MAPKAPK5: variants seen among roughly 807,000 people sequenced by gnomAD.
MAPKAPK5 encodes MAP kinase-activated protein kinase 5.
A neutral mutation model predicts 65.1 loss-of-function variants in MAPKAPK5; 30 were observed. The ratio of observed to expected loss-of-function variants is 0.46; its 90% CI spans 0.34 to 0.63. The LOEUF is 0.63. Among genes scored for constraint, MAPKAPK5 ranks in the 20% least tolerant of loss-of-function variants. The pLI, the probability that MAPKAPK5 is intolerant of heterozygous loss-of-function variation, is 0.01. For synonymous variants in MAPKAPK5, 179 were observed against 204.6 expected, an observed-to-expected ratio of 0.87 and a Z score of 1.07; for missense variants, 433 against 581.4, an observed-to-expected ratio of 0.74 and a Z score of 2.63.
At position 111,846,152 on chromosome 12, in the gene MAPKAPK5, T is replaced by C. The variant is rs565472157; in HGVS notation, c.36+3383T>C. Among the ~76,000 whole-genome samples the C allele has an allele frequency of 5.9e-5, 9 of 152,332 alleles. No homozygotes were observed. In the South Asian group the frequency reaches 1.9e-3, roughly 32 times the overall value. On this transcript the variant is annotated intron_variant, in intron 1 of 13. Coordinates refer to ENST00000550735, the MANE Select transcript of MAPKAPK5 (RefSeq NM_003668.4). ...TGGTGGACTTGAAAATCAGTACTGA[T>C]TAGGATGTACTGCTTTGGAAGCAAG...
rs2136185939 is a variant in MAPKAPK5, at chr12:111,900,610, ACT to A, written c.*7550_*7551del. ...GTGGTGGAGGACACGGAGCAGTGTG[ACT>A]GTGGTTCTCTATGTCAGCATCATGC... On this transcript the variant is annotated 3_prime_UTR_variant, in exon 14 of 14. Coordinates refer to ENST00000550735, the MANE Select transcript of MAPKAPK5 (RefSeq NM_003668.4). 1 of 456,118 alleles carries A rather than the reference ACT, an allele frequency of 2.2e-6. No homozygotes were observed. Among genetic ancestry groups the A allele is most frequent in the East Asian group, 6.9e-5 (1 of 14,396 alleles). 28.3% of individuals were successfully genotyped at this position (456,118 alleles called of 1,614,324 possible).
intron 7 of MAPKAPK5, among the ~76,000 whole-genome samples, chr12:111,873,786 T>G (rs1011944910): frequency 1.3e-5 from 2 of 152,198 alleles, no homozygotes; most frequent in African/African-American, 4.8e-5. Context: ...GACTTCAGAT[T>G]CATTCTTTTT....
chr12:111,862,671 G>A (rs528246974), intron 1 of MAPKAPK5, among the ~76,000 whole-genome samples: 102 of 152,180 alleles, frequency 6.7e-4, no homozygotes, highest in African/African-American at 2.1e-3. Flanking sequence ...CAGCCTGGGC[G>A]ACAGAGCAAT....
chr12:111,845,849 G>T (rs2136059027), intron 1 of MAPKAPK5, among the ~76,000 whole-genome samples: 1 of 152,212 alleles, frequency 6.6e-6, no homozygotes, highest in East Asian at 1.9e-4. Flanking sequence ...CTTGAACCTG[G>T]GGGGCAGAGG....
At chr12:111,847,725 C>T (rs1308154697) in intron 1 of MAPKAPK5, among the ~76,000 whole-genome samples, 2 of 152,200 alleles carry the variant, frequency 1.3e-5, no homozygotes, top group African/African-American at 2.4e-5. Flanking sequence ...CATCATCACA[C>T]TCTGGTGTAT....
In MAPKAPK5 at chr12:111,843,118, T is replaced by C. The variant is rs190154737; in HGVS notation, c.36+349T>C. ...ACTCCCCAAGGCCGCCAGCATTTGC[T>C]TCCGGATGGTCTACAGAACTTGGAG... On this transcript the variant is annotated intron_variant, in intron 1 of 13. Coordinates refer to ENST00000550735, the MANE Select transcript of MAPKAPK5 (RefSeq NM_003668.4). The C allele has an allele frequency of 1.5e-5, 6 of 398,680 alleles. No individual in the cohort carries two copies. In the East Asian group the frequency reaches 2.1e-4, roughly 14 times the overall value. The allele number at this position is 398,680 out of a possible 1,614,324, so 24.7% of individuals were successfully genotyped here.
rs1296003957 is a variant in MAPKAPK5, at chr12:111,845,714, G to A, written c.36+2945G>A. Among the ~76,000 whole-genome samples the A allele has an allele frequency of 2.6e-5, 4 of 152,094 alleles. No homozygotes were observed. The East Asian group carries it at 7.8e-4, about 30-fold the overall frequency. Reference sequence around the variant, plus strand: ...AGGCGGGCGGATCACCTGAGGTCAGGAGTTGGAGACCACTCTGGCCAACAT... The same window carrying A: ...AGGCGGGCGGATCACCTGAGGTCAGAAGTTGGAGACCACTCTGGCCAACAT... On this transcript the variant is annotated intron_variant, in intron 1 of 13. Coordinates refer to ENST00000550735, the MANE Select transcript of MAPKAPK5 (RefSeq NM_003668.4).
chr12:111,848,273 CCTT>C (rs2136065280), intron 1 of MAPKAPK5, among the ~76,000 whole-genome samples: 1 of 152,202 alleles, frequency 6.6e-6, no homozygotes, highest in African/African-American at 2.4e-5. Context: ...CTATTTTAGT[CCTT>C]CTGGTGGGTG....
At chr12:111,867,303 A>G (rs2069646119) in intron 3 of MAPKAPK5, among the ~76,000 whole-genome samples, 1 of 152,246 alleles carries the variant, frequency 6.6e-6, no homozygotes, top group East Asian at 1.9e-4. Context: ...TCTTTTGCAT[A>G]AAGAAATGCA....
In MAPKAPK5 at chr12:111,896,075, C is replaced by A. The variant is rs1413530137; in HGVS notation, c.*3014C>A. 1 of 152,120 alleles carries A rather than the reference C, an allele frequency of 6.6e-6. No homozygotes were observed. The highest frequency in any genetic ancestry group is 2.4e-5 in the African/African-American group (1 of 41,410). The allele number at this position is 152,120 out of a possible 1,614,324, so 9.4% of individuals were successfully genotyped here. ...TCAGTATTCCATGGGGAGAAAAAAA[C>A]AGTAATTATCTTTGTTACTCTTCTT... On this transcript the variant is annotated 3_prime_UTR_variant, in exon 14 of 14. Transcript: ENST00000550735.
intron 1 of MAPKAPK5, among the ~76,000 whole-genome samples, chr12:111,845,335 T>C (rs1246616959): frequency 6.6e-6 from 1 of 152,084 alleles, no homozygotes; most frequent in Non-Finnish European, 1.5e-5. Context: ...GTTATATTGC[T>C]AGAAAAGATG....
chr12:111,849,172 C>T (rs2068993245), intron 1 of MAPKAPK5, among the ~76,000 whole-genome samples: 1 of 151,604 alleles, frequency 6.6e-6, no homozygotes. Context: ...TCTTGAACTC[C>T]TGGGCTCAAG....
Position 111,902,195 on chromosome 12 carries a change from CAAAT to C in MAPKAPK5, c.*9138_*9141del, listed in dbSNP as rs2071090122. The C allele has an allele frequency of 1.3e-5, 2 of 152,154 alleles. No individual in the cohort carries two copies. Among genetic ancestry groups the C allele is most frequent in the South Asian group, 2.1e-4 (1 of 4,822 alleles). The allele number at this position is 152,154 out of a possible 1,614,324, so 9.4% of individuals were successfully genotyped here. A position where few individuals can be genotyped will look rare whatever the true frequency, so the allele number is the denominator to read the frequency against. On this transcript the variant is annotated 3_prime_UTR_variant, in exon 14 of 14. Transcript: ENST00000550735. Reference sequence around the variant, plus strand: ...AAGGAGAAGTTTTTAAATCCAAAAACAAATAAAACCCGATTCATATTAGACAACT... The same window carrying C: ...AAGGAGAAGTTTTTAAATCCAAAAACAAAACCCGATTCATATTAGACAACT...
At position 111,894,764 on chromosome 12, in the gene MAPKAPK5, A is replaced by ATGTGTGTG. The variant is rs1555276305; in HGVS notation, c.*1704_*1705insGTGTGTGT. 9.1e-6 allele frequency: 1 copy of ATGTGTGTG among 109,530 alleles called. No homozygotes were observed. The highest frequency in any genetic ancestry group is 4.9e-5 in the African/African-American group (1 of 20,332). 6.8% of individuals were successfully genotyped at this position (109,530 alleles called of 1,614,324 possible). A position where few individuals can be genotyped will look rare whatever the true frequency, so the allele number is the denominator to read the frequency against. On this transcript the variant is annotated 3_prime_UTR_variant, in exon 14 of 14. Transcript: ENST00000550735. ...TTCCATAACAAACCAATTTTCGTGT[A>ATGTGTGTG]TATGTGTGTGTGTGTGTGTGTGTGT...
At chr12:111,872,230 G>A (rs1272511409) in intron 7 of MAPKAPK5, among the ~76,000 whole-genome samples, 1 of 152,092 alleles carries the variant, frequency 6.6e-6, no homozygotes, top group African/African-American at 2.4e-5. Flanking sequence ...TACCAGCAAC[G>A]TATAGAGTTC....
At chr12:111,873,945 G>A (rs1332052761) in intron 7 of MAPKAPK5, among the ~76,000 whole-genome samples, 1 of 148,904 alleles carries the variant, frequency 6.7e-6, no homozygotes, top group Non-Finnish European at 1.5e-5. Flanking sequence ...AACAATATAA[G>A]TCTCCCAATC....
intron 9 of MAPKAPK5, 70 bp from the exon 10 acceptor site, chr12:111,885,846 G>A: frequency 6.2e-7 from 1 of 1,603,426 alleles, no homozygotes; most frequent in South Asian, 1.1e-5. Context: ...TTTAGAGCCA[G>A]GTCCAGGAAC....
At position 111,901,655 on chromosome 12, in the gene MAPKAPK5, GAAA is replaced by G. The variant is rs111353084; in HGVS notation, c.*8597_*8599del. The G allele has an allele frequency of 5.1e-5, 13 of 256,380 alleles. No individual in the cohort carries two copies. Among genetic ancestry groups the G allele is most frequent in the African/African-American group, 3.0e-4 (13 of 43,484 alleles). The allele number at this position is 256,380 out of a possible 1,614,324, so 15.9% of individuals were successfully genotyped here. ...AGAAGAAAAAGAAGAGAAGGAGGAA[GAAA>G]AAGAAGAGGAGGAGGAGGAAGAAGA... On this transcript the variant is annotated 3_prime_UTR_variant, in exon 14 of 14. Transcript: ENST00000550735.
chr12:111,885,585 C>G (rs1227059555), intron 9 of MAPKAPK5: 1 of 210,034 alleles, frequency 4.8e-6, no homozygotes, highest in East Asian at 1.1e-4. Flanking sequence ...GCCCATTGTC[C>G]TAGAAACCTC....
Sources: gnomAD v4.1 joint callset for allele counts (sites outside exome capture counted in the v4.1 genomes callset) on GRCh38, gnomAD v4.1.1 for gene constraint, MANE v1.5 for transcripts, NCBI Gene and HGNC (gene_info 2026-07-23, HGNC 2026-07-21) for gene names.